Variants in TMEM38B observed in about 807,000 individuals in gnomAD.
TMEM38B encodes transmembrane protein 38B.
Under a neutral mutation model 28.7 loss-of-function variants are expected in TMEM38B, and 24 were observed. That is an observed-to-expected ratio of 0.84 (90% CI 0.61 to 1.18). The LOEUF is 1.18. Among genes scored for constraint, TMEM38B ranks in the 50% most tolerant of loss-of-function variants. The pLI is 0.00. For synonymous variants in TMEM38B, 131 were observed against 127.7 expected (o/e 1.03, Z -0.17); for missense variants, 380 against 350.9 (o/e 1.08, Z -0.66).
At chr9:105,719,689 T>A (rs2133574487) in intron 2 of TMEM38B, among the ~76,000 whole-genome samples, 1 of 152,274 alleles carries the variant, frequency 6.6e-6, no homozygotes, top group Admixed American at 6.5e-5. Flanking sequence ...TTTTTTAATG[T>A]CTTATACTAT....
At chr9:105,718,528 G>A (rs569314212) in intron 2 of TMEM38B, among the ~76,000 whole-genome samples, 14 of 152,222 alleles carry the variant, frequency 9.2e-5, no homozygotes, top group Non-Finnish European at 1.6e-4. Context: ...ATGAGCCACC[G>A]TGCCCTGCCC....
In TMEM38B at chr9:105,694,551, C is replaced by T. The variant is rs1184097203; in HGVS notation, c.-110C>T. 2.8e-6 allele frequency: 2 copies of T among 703,830 alleles called. No homozygotes were observed. The highest frequency in any genetic ancestry group is 3.6e-5 in the Admixed American group (1 of 28,116). 43.6% of individuals were successfully genotyped at this position (703,830 alleles called of 1,614,324 possible). A position where few individuals can be genotyped will look rare whatever the true frequency, so the allele number is the denominator to read the frequency against. On this transcript the variant is annotated 5_prime_UTR_variant, in exon 1 of 6. Coordinates refer to ENST00000374692, the MANE Select transcript of TMEM38B (RefSeq NM_018112.3). ...CCAGGGCGCACGCGCGGAGCTGGAG[C>T]CGGCGCGGAGGAGCGGGCGGCCGCG...
At chr9:105,756,633 T>C (rs935132048) in intron 5 of TMEM38B, among the ~76,000 whole-genome samples, 2 of 152,222 alleles carry the variant, frequency 1.3e-5, no homozygotes, top group African/African-American at 4.8e-5. Flanking sequence ...AAAATGATAA[T>C]TTTTCTTACA....
chr9:105,737,226 C>T (rs750392913), intron 4 of TMEM38B, among the ~76,000 whole-genome samples: 13 of 152,164 alleles, frequency 8.5e-5, no homozygotes, highest in Admixed American at 6.5e-5. Flanking sequence ...AGGTTCACCA[C>T]AGCAGTTTGT....
intron 5 of TMEM38B, among the ~76,000 whole-genome samples, chr9:105,757,284 T>C (rs1204721604): frequency 6.6e-6 from 1 of 152,246 alleles, no homozygotes; most frequent in Non-Finnish European, 1.5e-5. Context: ...GGTGTATACA[T>C]ACCACATTTT....
chr9:105,742,285 G>A (rs1477942028), intron 4 of TMEM38B, among the ~76,000 whole-genome samples: 1 of 152,200 alleles, frequency 6.6e-6, no homozygotes, highest in Non-Finnish European at 1.5e-5. Flanking sequence ...GCTGGATTCA[G>A]GTGCAGAGGT....
At chr9:105,760,662 G>A (rs1027065342) in intron 5 of TMEM38B, 19 of 951,836 alleles carry the variant, frequency 2.0e-5, no homozygotes, top group African/African-American at 1.6e-4. Flanking sequence ...TTCCAACCAC[G>A]GAGATTGAAG....
intron 1 of TMEM38B, among the ~76,000 whole-genome samples, chr9:105,695,373 C>T (rs1835254606): frequency 6.6e-6 from 1 of 152,220 alleles, no homozygotes; most frequent in Admixed American, 6.5e-5. Flanking sequence ...AACACCCTGC[C>T]TAGCATGTGA....
chr9:105,768,901 C>CT (rs1013520725), intron 5 of TMEM38B, among the ~76,000 whole-genome samples: 1 of 152,048 alleles, frequency 6.6e-6, no homozygotes, highest in African/African-American at 2.4e-5. Context: ...AATTTCAGGT[C>CT]TTTTTTATAT....
intron 5 of TMEM38B, among the ~76,000 whole-genome samples, chr9:105,761,526 C>T (rs557794041): frequency 1.5e-4 from 23 of 152,250 alleles, no homozygotes; most frequent in Admixed American, 4.6e-4. Flanking sequence ...ATAAATAAAA[C>T]ATATAATCTC....
At chr9:105,768,910 A>G (rs1266161652) in intron 5 of TMEM38B, among the ~76,000 whole-genome samples, 1 of 152,040 alleles carries the variant, frequency 6.6e-6, no homozygotes, top group Non-Finnish European at 1.5e-5. Context: ...TCTTTTTTAT[A>G]TCCTTCCTTC....
chr9:105,698,314 G>T (rs1008351889), intron 1 of TMEM38B, among the ~76,000 whole-genome samples: 1 of 152,046 alleles, frequency 6.6e-6, no homozygotes, highest in African/African-American at 2.4e-5. Context: ...AATTTAATGA[G>T]AATGCTTTTA....
At chr9:105,720,730 G>A (rs1190920270) in intron 2 of TMEM38B, among the ~76,000 whole-genome samples, 3 of 151,968 alleles carry the variant, frequency 2.0e-5, no homozygotes, top group African/African-American at 2.4e-5. Flanking sequence ...TATTTACCCC[G>A]TTAGAAAGAA....
chr9:105,773,832 A>T, intron 5 of TMEM38B, 33 bp from the exon 6 acceptor site: 1 of 1,576,772 alleles, frequency 6.3e-7, no homozygotes, highest in South Asian at 1.2e-5. Context: ...AATCATTTGT[A>T]TTTAAATTCA....
chr9:105,775,863 G>GT lies in TMEM38B; in HGVS notation c.*1786dup, dbSNP rs1329233941. The GT allele has an allele frequency of 6.6e-6, 1 of 152,062 alleles. No homozygotes were observed. The highest frequency in any genetic ancestry group is 1.5e-5 in the Non-Finnish European group (1 of 68,002). The allele number at this position is 152,062 out of a possible 1,614,324, so 9.4% of individuals were successfully genotyped here. ...TGTTTTATATTTTTCTTGAGGTAGA[G>GT]TTTCAGAACTCATCTAGTATTTTGA... On this transcript the variant is annotated 3_prime_UTR_variant, in exon 6 of 6. Transcript: ENST00000374692.
intron 5 of TMEM38B, chr9:105,749,246 T>A: frequency 2.4e-6 from 1 of 420,502 alleles, no homozygotes; most frequent in East Asian, 1.0e-4. Flanking sequence ...CTCATGCTGC[T>A]AATAAAGACA....
intron 5 of TMEM38B, among the ~76,000 whole-genome samples, chr9:105,753,564 C>T (rs560350519): frequency 3.9e-5 from 6 of 152,124 alleles, no homozygotes; most frequent in Non-Finnish European, 8.8e-5. Flanking sequence ...TCCAGCCAAA[C>T]TAAGCTTCAT....
At chr9:105,730,426 G>T (rs982940112) in intron 4 of TMEM38B, among the ~76,000 whole-genome samples, 19 of 152,160 alleles carry the variant, frequency 1.2e-4, no homozygotes, top group African/African-American at 4.3e-4. Context: ...AAGCCAACTT[G>T]ATCGTGGTGG....
chr9:105,738,205 A>T (rs930651629), intron 4 of TMEM38B, among the ~76,000 whole-genome samples: 1 of 151,970 alleles, frequency 6.6e-6, no homozygotes, highest in African/African-American at 2.4e-5. Context: ...AGCTGGGCTC[A>T]GTACCTATGA....
Sources: allele counts gnomAD v4.1 joint callset (sites outside exome capture counted in the v4.1 genomes callset), GRCh38; gene constraint gnomAD v4.1.1; transcripts MANE v1.5; gene names NCBI Gene and HGNC (gene_info 2026-07-23, HGNC 2026-07-21).